GALNT10: variants seen among roughly 807,000 people sequenced by gnomAD.
GALNT10 encodes the protein GalNAc transferase 10.
In GALNT10, 41 loss-of-function variants were observed where a neutral mutation model predicts 75.0. That is an observed-to-expected ratio of 0.55 (90% CI 0.43 to 0.71). GALNT10 has a LOEUF of 0.71. Among genes scored for constraint, GALNT10 ranks in the 30% least tolerant of loss-of-function variants. GALNT10 has a pLI of 0.00. For synonymous variants in GALNT10, 302 were observed against 313.0 expected (o/e 0.96, Z 0.37); for missense variants, 727 against 818.5 (o/e 0.89, Z 1.36).
At chr5:154,212,583 C>T (rs913502606) in intron 1 of GALNT10, among the ~76,000 whole-genome samples, 8 of 152,224 alleles carry the variant, frequency 5.3e-5, no homozygotes, top group African/African-American at 1.9e-4. Flanking sequence ...TCACAGATTA[C>T]AAACATAAGG....
At chr5:154,232,374 C>A (rs1473960184) in intron 1 of GALNT10, among the ~76,000 whole-genome samples, 2 of 152,214 alleles carry the variant, frequency 1.3e-5, no homozygotes, top group Admixed American at 6.5e-5. Context: ...GATTCATTTA[C>A]TTATTCAATA....
Position 154,190,787 on chromosome 5 carries a change from C to T in GALNT10, c.-80C>T. ...CTTCTGCTGGCTGAGCTGCTGCCGC[C>T]GCCGGGCGGACGGGCGGACGCGCGG... On this transcript the variant is annotated 5_prime_UTR_variant, in exon 1 of 12. Transcript: ENST00000297107. The T allele has an allele frequency of 2.7e-6, 1 of 366,972 alleles. No individual in the cohort carries two copies. The highest frequency in any genetic ancestry group is 3.5e-6 in the Non-Finnish European group (1 of 285,224). The allele number at this position is 366,972 out of a possible 1,614,324, so 22.7% of individuals were successfully genotyped here.
chr5:154,346,162 GAGAT>G (rs1459842495), intron 4 of GALNT10, among the ~76,000 whole-genome samples: 2 of 150,984 alleles, frequency 1.3e-5, no homozygotes, highest in Non-Finnish European at 3.0e-5. Flanking sequence ...GTGTGTGTGT[GAGAT>G]AGATACACAC....
At chr5:154,320,386 G>A (rs1165312834) in intron 3 of GALNT10, among the ~76,000 whole-genome samples, 1 of 152,138 alleles carries the variant, frequency 6.6e-6, no homozygotes, top group Admixed American at 6.5e-5. Flanking sequence ...CCCGGCTCTG[G>A]GCCTGGAGTG....
At position 154,315,296 on chromosome 5, in the gene GALNT10, G is replaced by A. The variant is rs116245674; in HGVS notation, c.402-14276G>A. On this transcript the variant is annotated intron_variant, in intron 3 of 11. Coordinates refer to ENST00000297107, the MANE Select transcript of GALNT10 (RefSeq NM_198321.4). Reference sequence around the variant, plus strand: ...GGAATCACGGGCAATAGAGGGAAATGGGAATGTTTTCTAGGTGGAATGTGA... The same window carrying A: ...GGAATCACGGGCAATAGAGGGAAATAGGAATGTTTTCTAGGTGGAATGTGA... Among the ~76,000 whole-genome samples the A allele has an allele frequency of 7.8e-3, 1,190 of 152,338 alleles. 19 individuals are homozygous for A. Among genetic ancestry groups the A allele is most frequent in the African/African-American group, 0.027 (1,119 of 41,572 alleles).
chr5:154,247,303 G>A, intron 1 of GALNT10, among the ~76,000 whole-genome samples: 1 of 152,066 alleles, frequency 6.6e-6, no homozygotes, highest in Non-Finnish European at 1.5e-5. Flanking sequence ...GCTCTTTTTT[G>A]GGTCCATATG....
intron 1 of GALNT10, among the ~76,000 whole-genome samples, chr5:154,207,739 C>A (rs1231961894): frequency 6.6e-6 from 1 of 152,032 alleles, no homozygotes; most frequent in African/African-American, 2.4e-5. Flanking sequence ...AGTCAAAAGT[C>A]CAGAGTTGGG....
chr5:154,372,429 T>C lies in GALNT10; in HGVS notation c.569-3848T>C, dbSNP rs369371803. 5.3e-5 allele frequency among the ~76,000 whole-genome samples: 8 copies of C among 152,336 alleles called. 1 individual carries two copies. In the South Asian group the frequency reaches 1.7e-3, roughly 32 times the overall value. On this transcript the variant is annotated intron_variant, in intron 4 of 11. Coordinates refer to ENST00000297107, the MANE Select transcript of GALNT10 (RefSeq NM_198321.4). ...ATCATGCATTCAGCTTTGGAGATCT[T>C]CTAAGTCATGCCTGCTACTTGGAAT...
intron 7 of GALNT10, among the ~76,000 whole-genome samples, chr5:154,396,036 G>T (rs543038522): frequency 2.0e-5 from 3 of 152,282 alleles, no homozygotes; most frequent in African/African-American, 7.2e-5. Context: ...GGGTGTGGAA[G>T]GACAGAGTAA....
At chr5:154,368,102 G>A (rs1755505775) in intron 4 of GALNT10, among the ~76,000 whole-genome samples, 1 of 152,208 alleles carries the variant, frequency 6.6e-6, no homozygotes, top group Non-Finnish European at 1.5e-5. Context: ...ATCCGGCTCA[G>A]TGGGCCCCAC....
chr5:154,263,632 G>A (rs1753733937), intron 1 of GALNT10, among the ~76,000 whole-genome samples: 1 of 152,134 alleles, frequency 6.6e-6, no homozygotes. Flanking sequence ...GCAAGGCAGT[G>A]GCAGATTCAG....
intron 1 of GALNT10, among the ~76,000 whole-genome samples, chr5:154,286,575 G>C (rs1186283558): frequency 6.6e-6 from 1 of 151,964 alleles, no homozygotes; most frequent in Non-Finnish European, 1.5e-5. Flanking sequence ...GAGCTTTCAT[G>C]CCTTACGTAG....
intron 1 of GALNT10, among the ~76,000 whole-genome samples, chr5:154,269,667 T>C (rs1220167858): frequency 6.6e-6 from 1 of 152,204 alleles, no homozygotes; most frequent in East Asian, 1.9e-4. Flanking sequence ...CCAAGCAAGG[T>C]TGCCTCCAGG....
chr5:154,227,613 A>G (rs1753084191), intron 1 of GALNT10, among the ~76,000 whole-genome samples: 1 of 151,876 alleles, frequency 6.6e-6, no homozygotes, highest in South Asian at 2.1e-4. Flanking sequence ...CTTGTCTTTT[A>G]TTCTTTTAAT....
intron 4 of GALNT10, among the ~76,000 whole-genome samples, chr5:154,332,932 C>T (rs529725308): frequency 6.6e-6 from 1 of 152,324 alleles, no homozygotes; most frequent in Admixed American, 6.5e-5. Flanking sequence ...TGGAATAAAC[C>T]AGACCTCAGC....
intron 3 of GALNT10, among the ~76,000 whole-genome samples, chr5:154,316,369 C>T (rs1243684257): frequency 6.6e-6 from 1 of 152,240 alleles, no homozygotes; most frequent in Non-Finnish European, 1.5e-5. Context: ...CTCTAAGCCT[C>T]ACTACCTTAC....
At chr5:154,341,571 C>T (rs1561666133) in intron 4 of GALNT10, among the ~76,000 whole-genome samples, 1 of 152,286 alleles carries the variant, frequency 6.6e-6, no homozygotes, top group African/African-American at 2.4e-5. Flanking sequence ...AATAACCTCA[C>T]TCCAGGCTCT....
intron 1 of GALNT10, among the ~76,000 whole-genome samples, chr5:154,259,129 T>C (rs1174441551): frequency 6.6e-6 from 1 of 152,200 alleles, no homozygotes; most frequent in Non-Finnish European, 1.5e-5. Flanking sequence ...TATTTCTTTT[T>C]CTTAAAACAC....
rs143980170 is a variant in GALNT10, at chr5:154,300,827, CT to C, written c.401+2749del. On this transcript the variant is annotated intron_variant, in intron 3 of 11. Coordinates refer to ENST00000297107, the MANE Select transcript of GALNT10 (RefSeq NM_198321.4). ...TGCTTTGTGACCACAGAGGATACCC[CT>C]GACCCTGTGTCTGCAGTTTAAGAGC... 5.4e-3 allele frequency among the ~76,000 whole-genome samples: 820 copies of C among 152,326 alleles called. 12 individuals are homozygous for C. The highest frequency in any genetic ancestry group is 0.041 in the East Asian group (214 of 5,182).
Sources: allele counts gnomAD v4.1 joint callset (sites outside exome capture counted in the v4.1 genomes callset), GRCh38; gene constraint gnomAD v4.1.1; transcripts MANE v1.5; gene names NCBI Gene and HGNC (gene_info 2026-07-23, HGNC 2026-07-21).